Variants in DSG2 observed in about 807,000 individuals in gnomAD.
DSG2 encodes the protein desmoglein-2.
DSG2 carries 45 observed loss-of-function variants against 75.6 expected under a neutral mutation model. That is an observed-to-expected ratio of 0.60 (90% confidence interval 0.47 to 0.76). The LOEUF (loss-of-function observed/expected upper bound fraction) is 0.76. Among genes scored for constraint, DSG2 ranks in the 30% least tolerant of loss-of-function variants. The pLI, the probability that DSG2 is intolerant of heterozygous loss-of-function variation, is 0.00. For missense variants in DSG2, 1,267 were observed against 1,357.4 expected, an observed-to-expected ratio of 0.93 and a Z score of 1.05; for synonymous variants, 429 against 483.9, an observed-to-expected ratio of 0.89 and a Z score of 1.49.
chr18:31,545,918 A>AATAG lies in DSG2; in HGVS notation c.2536_2539dup (p.Ile847ArgfsTer4). 6.2e-7 allele frequency: 1 copy of AATAG among 1,614,204 alleles called. No homozygotes were observed. The highest frequency in any genetic ancestry group is 8.5e-7 in the Non-Finnish European group (1 of 1,180,036). On this transcript the variant is annotated frameshift_variant, in exon 15 of 15. Transcript: ENST00000261590. LOFTEE classifies it low-confidence loss of function (END_TRUNC). ...TAGCTGAAGTTTGCCTGGGTCAAAA[A>AATAG]ATAGATATAAATAAGGAAATTGAGC... is the stretch of plus-strand genomic sequence containing the variant.
At chr18:31,521,967 TG>T in intron 5 of DSG2, 115 bp from the exon 6 acceptor site, 1 of 895,188 alleles carries the variant, frequency 1.1e-6, no homozygotes, top group Non-Finnish European at 1.7e-6. Context: ...CAACTGTATG[TG>T]ATTTTGATAA....
chr18:31,524,796 G>A lies in DSG2; in HGVS notation c.922G>A (p.Ala308Thr). The part of the protein sequence containing the change: ...ADEIGSDNWL[A>T]NFTFASGNEG... ...TGAAATAGGTTCTGATAATTGGCTG[G>A]CAAATTTTACATTTGCATCAGGAAA... Residue 308 changes from alanine to threonine, a missense_variant, in exon 8 of 15, where the codon GCA becomes ACA. Coordinates refer to ENST00000261590, the MANE Select transcript of DSG2 (RefSeq NM_001943.5). 1 of 1,614,104 alleles carries A rather than the reference G, an allele frequency of 6.2e-7. No individual in the cohort carries two copies. The highest frequency in any genetic ancestry group is 8.5e-7 in the Non-Finnish European group (1 of 1,180,006).
chr18:31,524,956 A>G, intron 8 of DSG2, 68 bp downstream of exon 8: 1 of 1,441,432 alleles, frequency 6.9e-7, no homozygotes, highest in South Asian at 1.2e-5. Context: ...ATATATTTTG[A>G]GCCCTGAACA....
chr18:31,547,815 A>T lies in DSG2; in HGVS notation c.*1072A>T, dbSNP rs1339117009. The T allele has an allele frequency of 2.0e-5, 3 of 152,234 alleles. No individual in the cohort carries two copies. Among genetic ancestry groups the T allele is most frequent in the Non-Finnish European group, 4.4e-5 (3 of 68,044 alleles). The allele number at this position is 152,234 out of a possible 1,614,324, so 9.4% of individuals were successfully genotyped here. On this transcript the variant is annotated 3_prime_UTR_variant, in exon 15 of 15. Transcript: ENST00000261590. ...AGTATAAAATAATTTTACTTCTTAT[A>T]GTAATAGTATACTTTAAAAAGCCTC...
At position 31,521,181 on chromosome 18, in the gene DSG2, A is replaced by G; in HGVS notation, c.461A>G (p.Asp154Gly). 6.2e-7 allele frequency: 1 copy of G among 1,613,978 alleles called. No individual in the cohort carries two copies. The highest frequency in any genetic ancestry group is 1.1e-5 in the South Asian group (1 of 91,074). ...CGCATTAAGGTTCTTGATATCAATG[A>G]CAACGAACCAGTGTTCACACAGGAT... ...ELRIKVLDIN[D>G]NEPVFTQDVF... is the part of the protein sequence containing the mutation. Residue 154 changes from aspartate (D) to glycine (G), a missense_variant, in exon 5 of 15, where the codon GAC becomes GGC. Transcript: ENST00000261590.
intron 1 of DSG2, among the ~76,000 whole-genome samples, chr18:31,515,800 G>A (rs574390375): frequency 2.8e-4 from 43 of 152,318 alleles, no homozygotes; most frequent in Admixed American, 1.0e-3. Flanking sequence ...AACTGACAAT[G>A]GAAAGGAAAG....
chr18:31,519,015 G>A (rs1247753089), intron 2 of DSG2, among the ~76,000 whole-genome samples: 3 of 152,112 alleles, frequency 2.0e-5, no homozygotes, highest in Non-Finnish European at 4.4e-5. Flanking sequence ...TTCATTAACT[G>A]GCAGTTTCCC....
In DSG2 at chr18:31,504,829, A is replaced by C. The variant is rs553157364; in HGVS notation, c.45+6533A>C. Among the ~76,000 whole-genome samples the C allele has an allele frequency of 1.3e-4, 20 of 152,302 alleles. No homozygotes were observed. The South Asian group carries it at 2.9e-3, about 22-fold the overall frequency. ...TGTCTTCTGGAAATTGCATCTTTCT[A>C]GCCACTCAGACTGAAAACGTTGGCA... On this transcript the variant is annotated intron_variant, in intron 1 of 14. Transcript: ENST00000261590.
intron 8 of DSG2, among the ~76,000 whole-genome samples, chr18:31,525,361 A>G (rs534355256): frequency 1.3e-5 from 2 of 152,246 alleles, no homozygotes; most frequent in South Asian, 4.2e-4. Context: ...ACGAAAAAAA[A>G]TACAAAAATT....
rs1167325516 is a variant in DSG2, at chr18:31,546,715, A to G, written c.3329A>G (p.His1110Arg). ...ITTSSTRVTKHSTVQHSYS is the reference protein window; with the variant it reads ...ITTSSTRVTKRSTVQHSYS ...ACATCTTCCACCAGAGTTACCAAGCATAGCACTGTACAGCATTCTTACTCC... is the reference window on the plus strand; with the variant it reads ...ACATCTTCCACCAGAGTTACCAAGCGTAGCACTGTACAGCATTCTTACTCC... The change falls in exon 15 of 15, where the codon CAT (histidine) becomes CGT (arginine). Residue 1110 changes from histidine to arginine, a missense_variant. By Grantham distance (29) the His-to-Arg change is conservative. Coordinates refer to ENST00000261590, the MANE Select transcript of DSG2 (RefSeq NM_001943.5). 15 of 1,614,090 alleles carry G rather than the reference A, an allele frequency of 9.3e-6. No individual in the cohort carries two copies. The highest frequency in any genetic ancestry group is 3.3e-5 in the South Asian group (3 of 91,088).
In DSG2 at chr18:31,538,781, A is replaced by G. The variant is rs1262553527; in HGVS notation, c.1682A>G (p.Lys561Arg). ...AGTGTGCTGCTGCAACAAAGTGAGA[A>G]AAAGCTTGGGAGAAGTGAAATTCAG... ...STSVLLQQSE[K>R]KLGRSEIQFL... The change falls in exon 12 of 15, where the codon AAA becomes AGA. Residue 561 changes from lysine (K) to arginine (R), a missense_variant. Transcript: ENST00000261590. The G allele has an allele frequency of 6.2e-7, 1 of 1,614,082 alleles. No individual in the cohort carries two copies. Among genetic ancestry groups the G allele is most frequent in the Non-Finnish European group, 8.5e-7 (1 of 1,180,038 alleles).
intron 6 of DSG2, among the ~76,000 whole-genome samples, chr18:31,523,273 C>T (rs900904592): frequency 1.3e-5 from 2 of 151,966 alleles, no homozygotes; most frequent in African/African-American, 2.4e-5. Context: ...TGGTGGCGGG[C>T]ACCTGTAGTC....
chr18:31,509,219 A>C (rs2073054235), intron 1 of DSG2, among the ~76,000 whole-genome samples: 1 of 152,238 alleles, frequency 6.6e-6, no homozygotes, highest in Non-Finnish European at 1.5e-5. Flanking sequence ...GAGTTAATAA[A>C]AAGCTTTCAA....
At chr18:31,518,005 A>G (rs757369769) in intron 1 of DSG2, among the ~76,000 whole-genome samples, 2 of 152,172 alleles carry the variant, frequency 1.3e-5, no homozygotes, top group Non-Finnish European at 2.9e-5. Context: ...GTTTTTTAAG[A>G]TACTGTTTTC....
chr18:31,517,159 C>G (rs935338771), intron 1 of DSG2, among the ~76,000 whole-genome samples: 1 of 152,074 alleles, frequency 6.6e-6, no homozygotes, highest in Admixed American at 6.6e-5. Context: ...ACTGAATAAG[C>G]CAGGCACAGA....
Position 31,538,930 on chromosome 18 carries a change from G to T in DSG2, c.1831G>T (p.Gly611Ter). 1 of 1,614,082 alleles carries T rather than the reference G, an allele frequency of 6.2e-7. No homozygotes were observed. The highest frequency in any genetic ancestry group is 8.5e-7 in the Non-Finnish European group (1 of 1,180,034). The change falls in exon 12 of 15, where the codon GGA (glycine) becomes TGA (stop). Residue 611 changes from glycine (G) to a stop codon, truncating the protein, a stop_gained. Coordinates refer to ENST00000261590, the MANE Select transcript of DSG2 (RefSeq NM_001943.5). LOFTEE classifies it high-confidence loss of function. ...ACAGCATGACTCCTATGTGGGCCTG[G>T]GACCCGCAGCAATTGCGCTCATGAT... is the stretch of plus-strand genomic sequence containing the variant. ...EAQHDSYVGL[G>*]PAAIALMILA... is the part of the protein sequence containing the mutation.
chr18:31,542,951 G>C, intron 14 of DSG2, 99 bp downstream of exon 14: 1 of 981,200 alleles, frequency 1.0e-6, no homozygotes, highest in Non-Finnish European at 1.4e-6. Context: ...ATCCAAATGA[G>C]ACTTTGGGTT....
chr18:31,535,493 T>G, intron 10 of DSG2, 81 bp downstream of exon 10: 9 of 1,340,818 alleles, frequency 6.7e-6, no homozygotes, highest in Non-Finnish European at 9.5e-6. Flanking sequence ...TTGATTTGAT[T>G]GTGTATAAAA....
At chr18:31,514,653 A>G (rs183240273) in intron 1 of DSG2, among the ~76,000 whole-genome samples, 178 of 152,328 alleles carry the variant, frequency 1.2e-3, no homozygotes, top group African/African-American at 4.0e-3. Context: ...ATCATCTGAA[A>G]CCTTGTTAGA....
Sources: gnomAD v4.1 joint callset for allele counts (sites outside exome capture counted in the v4.1 genomes callset) on GRCh38, gnomAD v4.1.1 for gene constraint, MANE v1.5 for transcripts, NCBI Gene and HGNC (gene_info 2026-07-23, HGNC 2026-07-21) for gene names.